The following TMEM131L variants were observed in gnomAD, a reference collection of about 807,000 sequenced individuals.
TMEM131L encodes the protein transmembrane protein 131-like.
Under a neutral mutation model 192.2 loss-of-function variants are expected in TMEM131L, and 54 were observed. That is an observed-to-expected ratio of 0.28 (90% CI 0.23 to 0.35). TMEM131L has a LOEUF of 0.35. TMEM131L is among the 10% of genes least tolerant of loss of function. TMEM131L has a pLI of 1.00. For synonymous variants in TMEM131L, 701 were observed against 704.9 expected, an observed-to-expected ratio of 0.99 and a Z score of 0.09; for missense variants, 1,888 against 1,972.9, an observed-to-expected ratio of 0.96 and a Z score of 0.82.
intron 3 of TMEM131L, 94 bp from the exon 4 acceptor site, chr4:153,549,979 G>T: frequency 1.9e-6 from 1 of 522,652 alleles, no homozygotes. Context: ...AAAATTATAT[G>T]TCATGCATTG....
intron 14 of TMEM131L, 138 bp downstream of exon 14, chr4:153,586,517 C>A: frequency 1.8e-6 from 1 of 547,530 alleles, no homozygotes; most frequent in Non-Finnish European, 3.1e-6. Context: ...TATTACCAGG[C>A]CAGTCTTGGA....
Position 153,467,290 on chromosome 4 carries a change from G to C in TMEM131L, c.195+9G>C. 6.4e-7 allele frequency: 1 copy of C among 1,551,004 alleles called. No individual in the cohort carries two copies. Among genetic ancestry groups the C allele is most frequent in the Non-Finnish European group, 8.7e-7 (1 of 1,146,372 alleles). On this transcript the variant is annotated intron_variant, in intron 2 of 34. Coordinates refer to ENST00000409959, the MANE Select transcript of TMEM131L (RefSeq NM_001131007.2). ...TCCTGCTGCCCACTCAGGTGAGGAC[G>C]ACCAGGTGACAGGGCGGCTGTGGGT...
chr4:153,597,252 AT>A (rs1281266550), intron 20 of TMEM131L, among the ~76,000 whole-genome samples: 3 of 149,086 alleles, frequency 2.0e-5, no homozygotes, highest in South Asian at 2.1e-4. Context: ...TTGTTTATTA[AT>A]TTTTTTCTTT....
At chr4:153,606,159 GAC>G (rs1732219124) in intron 25 of TMEM131L, among the ~76,000 whole-genome samples, 2 of 152,160 alleles carry the variant, frequency 1.3e-5, no homozygotes. Flanking sequence ...TTCTCTCCCA[GAC>G]ACTCTCTGGG....
rs1314064617 is a variant in TMEM131L, at chr4:153,573,490, C to G, written c.661-7336C>G. ...AGCCAACATACGCTGCCTGACCTAT[C>G]AAGGTGAAAATCCCACATGGCTCTG... On this transcript the variant is annotated intron_variant, in intron 7 of 34. Coordinates refer to ENST00000409959, the MANE Select transcript of TMEM131L (RefSeq NM_001131007.2). 2.0e-5 allele frequency among the ~76,000 whole-genome samples: 3 copies of G among 152,226 alleles called. No individual in the cohort carries two copies. In the East Asian group the frequency reaches 5.8e-4, roughly 29 times the overall value.
intron 3 of TMEM131L, among the ~76,000 whole-genome samples, chr4:153,498,388 A>G (rs1044196104): frequency 6.6e-6 from 1 of 152,136 alleles, no homozygotes; most frequent in Non-Finnish European, 1.5e-5. Flanking sequence ...TTGCTCTCCC[A>G]CTCATTCCCA....
At chr4:153,532,208 A>G (rs1735949526) in intron 3 of TMEM131L, among the ~76,000 whole-genome samples, 1 of 152,262 alleles carries the variant, frequency 6.6e-6, no homozygotes, top group South Asian at 2.1e-4. Context: ...AAAGCACTGC[A>G]TAATTATGGG....
At chr4:153,617,860 G>A (rs557457690) in intron 26 of TMEM131L, among the ~76,000 whole-genome samples, 4 of 124,758 alleles carry the variant, frequency 3.2e-5, no homozygotes, top group Non-Finnish European at 5.6e-5. Flanking sequence ...CGAGCTCTTC[G>A]TGGTTTTTTT....
At chr4:153,474,039 T>C (rs115783080) in intron 3 of TMEM131L, among the ~76,000 whole-genome samples, 151 bp downstream of exon 3, 2 of 152,186 alleles carry the variant, frequency 1.3e-5, no homozygotes, top group Admixed American at 6.5e-5. Flanking sequence ...CTATACCTTC[T>C]AATACATTAA....
At chr4:153,621,647 C>G in intron 27 of TMEM131L, 36 bp from the exon 28 acceptor site, 1 of 1,607,494 alleles carries the variant, frequency 6.2e-7, no homozygotes, top group Non-Finnish European at 8.5e-7. Flanking sequence ...TGATAAAATA[C>G]AGATGTGTTT....
At chr4:153,528,869 T>A (rs1735690272) in intron 3 of TMEM131L, among the ~76,000 whole-genome samples, 1 of 152,148 alleles carries the variant, frequency 6.6e-6, no homozygotes. Flanking sequence ...TGCAATGGTT[T>A]CTTATCTGAC....
chr4:153,499,570 G>T (rs1311817504), intron 3 of TMEM131L, among the ~76,000 whole-genome samples: 1 of 152,118 alleles, frequency 6.6e-6, no homozygotes, highest in Admixed American at 6.6e-5. Context: ...GGGACTACAG[G>T]CACGCGCCAC....
intron 3 of TMEM131L, among the ~76,000 whole-genome samples, chr4:153,531,493 G>A (rs1735898715): frequency 6.6e-6 from 1 of 152,108 alleles, no homozygotes; most frequent in Non-Finnish European, 1.5e-5. Context: ...TCCCTCTTTT[G>A]TTATTACTGG....
At chr4:153,541,270 A>G (rs1736756973) in intron 3 of TMEM131L, among the ~76,000 whole-genome samples, 2 of 152,224 alleles carry the variant, frequency 1.3e-5, no homozygotes, top group Non-Finnish European at 2.9e-5. Flanking sequence ...GCTAAAGTAG[A>G]TCTTTATAGT....
chr4:153,501,201 A>AG (rs1733579748), intron 3 of TMEM131L, among the ~76,000 whole-genome samples: 1 of 146,878 alleles, frequency 6.8e-6, no homozygotes, highest in Non-Finnish European at 1.5e-5. Context: ...GGGTTTTGCA[A>AG]GTTTTTTTTT....
intron 3 of TMEM131L, among the ~76,000 whole-genome samples, chr4:153,497,830 A>G (rs1428083263): frequency 4.7e-5 from 7 of 148,402 alleles, no homozygotes; most frequent in Non-Finnish European, 5.9e-5. Flanking sequence ...TGTAACATGT[A>G]TCTCACAATG....
intron 9 of TMEM131L, among the ~76,000 whole-genome samples, chr4:153,582,848 G>C (rs1222281931): frequency 6.6e-6 from 1 of 152,112 alleles, no homozygotes; most frequent in Non-Finnish European, 1.5e-5. Flanking sequence ...CTAATCAACA[G>C]GAGAACATAG....
intron 2 of TMEM131L, among the ~76,000 whole-genome samples, chr4:153,470,580 T>G (rs1237095172): frequency 6.6e-6 from 1 of 152,258 alleles, no homozygotes; most frequent in Non-Finnish European, 1.5e-5. Flanking sequence ...TTTCCTCTGC[T>G]CTGACTGTAC....
intron 4 of TMEM131L, among the ~76,000 whole-genome samples, chr4:153,553,267 T>A (rs1737767959): frequency 6.6e-6 from 1 of 152,188 alleles, no homozygotes; most frequent in Non-Finnish European, 1.5e-5. Context: ...TTTTCAAATA[T>A]CTCTTTGTTT....
Sources: gnomAD v4.1 joint callset for allele counts (sites outside exome capture counted in the v4.1 genomes callset) on GRCh38, gnomAD v4.1.1 for gene constraint, MANE v1.5 for transcripts, NCBI Gene and HGNC (gene_info 2026-07-23, HGNC 2026-07-21) for gene names.